The following PHTF2 variants were observed in gnomAD, a reference collection of about 807,000 sequenced individuals.
The protein encoded by PHTF2 is protein PHTF2.
PHTF2 carries 60 observed loss-of-function variants against 101.2 expected under a neutral mutation model. That is an observed-to-expected ratio of 0.59 (90% CI 0.48 to 0.73). The LOEUF (loss-of-function observed/expected upper bound fraction) is 0.73. Among genes scored for constraint, PHTF2 ranks in the 30% least tolerant of loss-of-function variants. The probability of loss-of-function intolerance (pLI) is 0.00; values close to 1 mark genes in which losing one functional copy is unlikely to be tolerated. For missense variants in PHTF2, 747 were observed against 908.7 expected (o/e 0.82, Z 2.29); for synonymous variants, 311 against 307.3 (o/e 1.01, Z -0.13).
chr7:77,884,541 A>T (rs933328116), intron 3 of PHTF2, among the ~76,000 whole-genome samples: 8 of 152,064 alleles, frequency 5.3e-5, no homozygotes, highest in African/African-American at 1.7e-4. Context: ...GATAACATTT[A>T]TTTTTTTAAA....
intron 3 of PHTF2, among the ~76,000 whole-genome samples, chr7:77,873,485 TTAGTC>T (rs959714081): frequency 6.6e-6 from 1 of 152,094 alleles, no homozygotes; most frequent in African/African-American, 2.4e-5. Flanking sequence ...GGCTGGGACT[TTAGTC>T]TAGTTATAGT....
At chr7:77,907,442 G>T (rs1801968365) in intron 7 of PHTF2, among the ~76,000 whole-genome samples, 1 of 152,004 alleles carries the variant, frequency 6.6e-6, no homozygotes, top group Non-Finnish European at 1.5e-5. Context: ...CAAGAAGTTG[G>T]TTTTTTTGGT....
chr7:77,940,861 A>G (rs985426260), intron 15 of PHTF2, among the ~76,000 whole-genome samples: 8 of 152,214 alleles, frequency 5.3e-5, no homozygotes, highest in Non-Finnish European at 7.4e-5. Context: ...AATTTAAAAA[A>G]AATAACCAAT....
chr7:77,882,182 A>G (rs543951144), intron 3 of PHTF2, among the ~76,000 whole-genome samples: 23 of 152,274 alleles, frequency 1.5e-4, no homozygotes, highest in Middle Eastern at 3.4e-3. Context: ...AGCTTTTATT[A>G]CTCATAATGA....
intron 1 of PHTF2, among the ~76,000 whole-genome samples, chr7:77,819,186 A>G (rs1290372636): frequency 6.6e-5 from 10 of 152,174 alleles, no homozygotes; most frequent in Non-Finnish European, 1.0e-4. Flanking sequence ...CTGCAAATAG[A>G]CATTTTGACT....
At chr7:77,841,940 T>G (rs1163185979) in intron 2 of PHTF2, among the ~76,000 whole-genome samples, 1 of 152,216 alleles carries the variant, frequency 6.6e-6, no homozygotes, top group African/African-American at 2.4e-5. Context: ...GTTTGGCTTT[T>G]TACATTAAAC....
At chr7:77,843,639 G>A (rs1407275586) in intron 2 of PHTF2, among the ~76,000 whole-genome samples, 1 of 152,194 alleles carries the variant, frequency 6.6e-6, no homozygotes, top group East Asian at 1.9e-4. Context: ...TGTACTTACT[G>A]ATTATTTAAC....
chr7:77,927,032 C>G (rs937140498), intron 11 of PHTF2, among the ~76,000 whole-genome samples: 44 of 151,006 alleles, frequency 2.9e-4, no homozygotes, highest in African/African-American at 9.7e-4. Flanking sequence ...GTGGCGGGCT[C>G]CTGTAGTCCT....
At chr7:77,894,780 A>G (rs1258038967) in intron 5 of PHTF2, among the ~76,000 whole-genome samples, 2 of 152,168 alleles carry the variant, frequency 1.3e-5, no homozygotes, top group East Asian at 1.9e-4. Context: ...GAAGTGGTTC[A>G]TTAACTCAAG....
chr7:77,896,743 G>A (rs1442712811), intron 5 of PHTF2, among the ~76,000 whole-genome samples: 1 of 152,170 alleles, frequency 6.6e-6, no homozygotes, highest in African/African-American at 2.4e-5. Flanking sequence ...GTACGTAACT[G>A]TGGTGTATTA....
chr7:77,865,861 G>T (rs1180593448), intron 3 of PHTF2, among the ~76,000 whole-genome samples: 2 of 152,116 alleles, frequency 1.3e-5, no homozygotes, highest in East Asian at 3.9e-4. Context: ...TGTCAAATCT[G>T]TGAAATAGGC....
chr7:77,832,530 A>T (rs1358940695), intron 1 of PHTF2, among the ~76,000 whole-genome samples: 2 of 152,202 alleles, frequency 1.3e-5, no homozygotes, highest in African/African-American at 4.8e-5. Context: ...ATCTCCATAC[A>T]TTCTGGATTA....
intron 5 of PHTF2, among the ~76,000 whole-genome samples, chr7:77,896,300 A>C (rs1800871532): frequency 6.6e-6 from 1 of 152,174 alleles, no homozygotes; most frequent in Non-Finnish European, 1.5e-5. Context: ...CTCACACCTG[A>C]AATCCCAACA....
chr7:77,804,759 C>G (rs762130413), intron 1 of PHTF2, among the ~76,000 whole-genome samples: 2 of 152,174 alleles, frequency 1.3e-5, no homozygotes, highest in Non-Finnish European at 2.9e-5. Flanking sequence ...TCAATCATGC[C>G]TCGTCCCAAC....
At chr7:77,897,406 A>AAT in intron 5 of PHTF2, among the ~76,000 whole-genome samples, 1 of 151,028 alleles carries the variant, frequency 6.6e-6, no homozygotes, top group Non-Finnish European at 1.5e-5. Context: ...ACATACTATA[A>AAT]GAGTTTAAAT....
At chr7:77,838,089 A>G (rs1795607104) in intron 1 of PHTF2, among the ~76,000 whole-genome samples, 2 of 152,212 alleles carry the variant, frequency 1.3e-5, no homozygotes, top group South Asian at 4.1e-4. Flanking sequence ...CAATCTGGAA[A>G]GCATTCACAG....
At chr7:77,942,760 T>C (rs778059316) in exon 16 of PHTF2, 1 of 1,596,320 alleles carries the variant, frequency 6.3e-7, no homozygotes. Flanking sequence ...ATTGACTATC[T>C]CAGTTGTATT....
exon 20 of PHTF2, chr7:77,955,889 GAC>G (rs1438885480): frequency 6.6e-6 from 1 of 152,286 alleles, no homozygotes; most frequent in Non-Finnish European, 1.5e-5. Context: ...TTTCAGAAAA[GAC>G]AGCTTCAGCT....
At chr7:77,927,344 C>G (rs1804154587) in intron 11 of PHTF2, among the ~76,000 whole-genome samples, 1 of 151,718 alleles carries the variant, frequency 6.6e-6, no homozygotes, top group Admixed American at 6.6e-5. Context: ...GCCTGTAATC[C>G]CTGTACTTTC....
Sources: gnomAD v4.1 joint callset for allele counts (sites outside exome capture counted in the v4.1 genomes callset) on GRCh38, gnomAD v4.1.1 for gene constraint, MANE v1.5 for transcripts, NCBI Gene and HGNC (gene_info 2026-07-23, HGNC 2026-07-21) for gene names.